The following LRRC37A2 variants were observed in gnomAD, a reference collection of about 807,000 sequenced individuals.
LRRC37A2 encodes leucine-rich repeat-containing protein 37A2.
In LRRC37A2, 9 loss-of-function variants were observed where a neutral mutation model predicts 68.8. That is an observed-to-expected ratio of 0.13 (90% confidence interval 0.08 to 0.23). The LOEUF is 0.23. Among genes scored for constraint, LRRC37A2 ranks in the 10% least tolerant of loss-of-function variants. The pLI, the probability that LRRC37A2 is intolerant of heterozygous loss-of-function variation, is 1.00. For synonymous variants in LRRC37A2, 63 were observed against 367.6 expected (o/e 0.17, Z 9.48); for missense variants, 168 against 950.4 (o/e 0.18, Z 10.82).
the LRRC37A2 span, among the ~76,000 whole-genome samples, chr17:46,764,798 G>A: frequency 6.6e-6 from 1 of 152,358 alleles, no homozygotes; most frequent in East Asian, 1.9e-4. Flanking sequence ...TGCTGTTGAG[G>A]GAGGTCGTAT....
chr17:46,833,392 T>C, the LRRC37A2 span: 34 of 518,410 alleles, frequency 6.6e-5, no homozygotes, highest in Middle Eastern at 9.5e-4. Context: ...TGCCAAGGCC[T>C]GAATGCCAGT....
the LRRC37A2 span, among the ~76,000 whole-genome samples, chr17:46,703,797 A>G: frequency 6.8e-6 from 1 of 147,068 alleles, no homozygotes; most frequent in East Asian, 2.0e-4. Flanking sequence ...TGCAACCATC[A>G]CTACCATTCA....
the LRRC37A2 span, among the ~76,000 whole-genome samples, chr17:46,568,930 CT>C: frequency 9.3e-4 from 115 of 124,318 alleles, no homozygotes; most frequent in Admixed American, 9.8e-3. Context: ...AGAAAGGATA[CT>C]TTTTTTTTCT....
At chr17:46,881,211 C>A in the LRRC37A2 span, among the ~76,000 whole-genome samples, 1 of 152,210 alleles carries the variant, frequency 6.6e-6, no homozygotes, top group African/African-American at 2.4e-5. Context: ...GTCCACATTG[C>A]CTTAACTGGG....
the LRRC37A2 span, among the ~76,000 whole-genome samples, chr17:47,005,229 G>A: frequency 6.6e-6 from 1 of 152,142 alleles, no homozygotes; most frequent in African/African-American, 2.4e-5. Context: ...TGTGTTGAAT[G>A]CTCAGTTCAT....
chr17:46,830,078 G>C, the LRRC37A2 span, among the ~76,000 whole-genome samples: 1 of 152,080 alleles, frequency 6.6e-6, no homozygotes, highest in Non-Finnish European at 1.5e-5. Context: ...CTTAGTGATT[G>C]AGGACTGTTG....
chr17:46,925,392 A>G, the LRRC37A2 span, among the ~76,000 whole-genome samples: 2 of 152,232 alleles, frequency 1.3e-5, no homozygotes, highest in Non-Finnish European at 2.9e-5. Flanking sequence ...CACCATTCTC[A>G]GTGCTGGCAG....
chr17:46,625,647 T>C, the LRRC37A2 span, among the ~76,000 whole-genome samples: 1 of 56,654 alleles, frequency 1.8e-5, no homozygotes, highest in Non-Finnish European at 3.0e-5. Context: ...TTACTCAAAA[T>C]GTAGTTGATA....
chr17:46,881,078 C>T, the LRRC37A2 span, among the ~76,000 whole-genome samples: 2 of 152,204 alleles, frequency 1.3e-5, no homozygotes, highest in Non-Finnish European at 2.9e-5. Context: ...TGGGAGGCCT[C>T]GCCCACCAGG....
the LRRC37A2 span, among the ~76,000 whole-genome samples, chr17:46,961,380 A>G: frequency 6.6e-6 from 1 of 152,132 alleles, no homozygotes; most frequent in African/African-American, 2.4e-5. Flanking sequence ...TCTACAAAAA[A>G]CAAAATAACT....
At chr17:46,756,060 A>T in the LRRC37A2 span, 3 of 491,620 alleles carry the variant, frequency 6.1e-6, no homozygotes, top group Non-Finnish European at 1.1e-5. Context: ...CTTCCCATGC[A>T]GGCTAAAGTG....
At chr17:46,619,793 A>C in the LRRC37A2 span, among the ~76,000 whole-genome samples, 1 of 86,938 alleles carries the variant, frequency 1.2e-5, no homozygotes, top group African/African-American at 4.8e-5. Flanking sequence ...AAAAAAAAAA[A>C]AAACCCAGAA....
At chr17:46,844,305 CTTTTTTTTTT>C in the LRRC37A2 span, among the ~76,000 whole-genome samples, 1 of 127,418 alleles carries the variant, frequency 7.8e-6, no homozygotes, top group African/African-American at 3.1e-5. Flanking sequence ...AGTTAGCCAC[CTTTTTTTTTT>C]TTTTTTTTTT....
chr17:46,882,535 AAG>A, the LRRC37A2 span, among the ~76,000 whole-genome samples: 48 of 152,204 alleles, frequency 3.2e-4, no homozygotes, highest in Middle Eastern at 3.4e-3. Context: ...TCCTAGGTTC[AAG>A]CGATTCTCCT....
the LRRC37A2 span, among the ~76,000 whole-genome samples, chr17:46,609,945 C>T: frequency 2.1e-5 from 3 of 143,986 alleles, 1 homozygote; most frequent in African/African-American, 7.6e-5. Context: ...CCTCAGCCCC[C>T]TGAATAACGG....
At chr17:46,931,862 G>T in the LRRC37A2 span, 1 of 610,552 alleles carries the variant, frequency 1.6e-6, no homozygotes, top group Admixed American at 2.7e-5. Context: ...GGAATCTTGT[G>T]TGCTACCATC....
At chr17:46,767,090 G>A in the LRRC37A2 span, among the ~76,000 whole-genome samples, 4 of 152,228 alleles carry the variant, frequency 2.6e-5, no homozygotes, top group East Asian at 1.9e-4. Context: ...AGAAAAGGAA[G>A]AAAGGGCACC....
the LRRC37A2 span, among the ~76,000 whole-genome samples, chr17:46,788,428 A>G: frequency 2.6e-5 from 4 of 152,062 alleles, no homozygotes; most frequent in African/African-American, 7.2e-5. Context: ...GGGTCCCCAC[A>G]TTGCTATACC....
the LRRC37A2 span, among the ~76,000 whole-genome samples, chr17:46,492,156 G>A: frequency 5.9e-5 from 9 of 151,448 alleles, no homozygotes; most frequent in African/African-American, 2.5e-5. Flanking sequence ...GTAGAGACAG[G>A]GTTTCACCAT....
Sources: allele counts gnomAD v4.1 joint callset (sites outside exome capture counted in the v4.1 genomes callset), GRCh38; gene constraint gnomAD v4.1.1; transcripts MANE v1.5; gene names NCBI Gene and HGNC (gene_info 2026-07-23, HGNC 2026-07-21).